SLC41A3: variants seen among roughly 807,000 people sequenced by gnomAD.
SLC41A3 encodes solute carrier family 41 member 3.
Under a neutral mutation model 45.4 loss-of-function variants are expected in SLC41A3, and 44 were observed. The observed-to-expected ratio is 0.97, with a 90% CI of 0.76 to 1.25. SLC41A3 has a LOEUF of 1.25. SLC41A3 is among the 50% of genes most tolerant of loss of function. SLC41A3 has a pLI of 0.00. For synonymous variants in SLC41A3, 256 were observed against 252.4 expected (o/e 1.01, Z -0.13); for missense variants, 550 against 600.6 (o/e 0.92, Z 0.88).
chr3:126,090,351 G>C (rs1283458860), intron 1 of SLC41A3, among the ~76,000 whole-genome samples: 1 of 152,158 alleles, frequency 6.6e-6, no homozygotes, highest in Admixed American at 6.5e-5. Context: ...ACTTTACACA[G>C]AAATTGGTCT....
chr3:126,064,617 C>T (rs1944256106), intron 2 of SLC41A3, among the ~76,000 whole-genome samples: 2 of 152,164 alleles, frequency 1.3e-5, no homozygotes, highest in South Asian at 2.1e-4. Flanking sequence ...AGGCTGCTCT[C>T]ACCTCCTCCC....
At chr3:126,047,177 A>C (rs1455349428) in intron 3 of SLC41A3, among the ~76,000 whole-genome samples, 1 of 152,156 alleles carries the variant, frequency 6.6e-6, no homozygotes, top group East Asian at 1.9e-4. Context: ...AACCTGGGCA[A>C]CATGGTGAAA....
rs372353900 is a variant in SLC41A3, at chr3:126,075,324, G to T, written c.-27-7078C>A. Among the ~76,000 whole-genome samples the T allele has an allele frequency of 5.8e-4, 88 of 152,208 alleles. No homozygotes were observed. In the East Asian group the frequency reaches 0.01, roughly 17 times the overall value. ...AATTGCATTTGCAATAGAAATGCAAGAAATGAAGAAAACTTCAGAACAAAT... is the reference window on the plus strand; with the variant it reads ...AATTGCATTTGCAATAGAAATGCAATAAATGAAGAAAACTTCAGAACAAAT... On this transcript the variant is annotated intron_variant, in intron 1 of 10. Transcript: ENST00000360370.
At chr3:126,088,895 A>G (rs555058714), upstream of SLC41A3, among the ~76,000 whole-genome samples, 21 of 152,220 alleles carry the variant, frequency 1.4e-4, no homozygotes, top group Non-Finnish European at 3.1e-4. Context: ...CTATTGAACA[A>G]TCACTAATGA....
intron 1 of SLC41A3, among the ~76,000 whole-genome samples, chr3:126,091,016 T>C (rs1337778853): frequency 6.6e-6 from 1 of 152,140 alleles, no homozygotes; most frequent in Non-Finnish European, 1.5e-5. Context: ...TTCTAGGATG[T>C]GTGCCCAGAT....
intron 3 of SLC41A3, among the ~76,000 whole-genome samples, chr3:126,035,744 T>C (rs1414378321): frequency 6.6e-6 from 1 of 152,030 alleles, no homozygotes; most frequent in Non-Finnish European, 1.5e-5. Context: ...GCAGGGCTCT[T>C]CTCTAGAACA....
chr3:126,009,582 A>G (rs1939485167), intron 9 of SLC41A3, among the ~76,000 whole-genome samples: 1 of 152,230 alleles, frequency 6.6e-6, no homozygotes, highest in Admixed American at 6.5e-5. Context: ...TAGACTTCTA[A>G]TGAAAAGTAG....
intron 3 of SLC41A3, among the ~76,000 whole-genome samples, chr3:126,044,692 G>A (rs6782371): frequency 0.17 from 25,909 of 151,336 alleles, 2,353 homozygotes; most frequent in Middle Eastern, 0.27. Context: ...TCAGGAGATC[G>A]AGACCATCCT....
chr3:126,056,964 C>A, intron 2 of SLC41A3: 1 of 1,050,026 alleles, frequency 9.5e-7, no homozygotes, highest in Non-Finnish European at 1.2e-6. Context: ...CTGGACAGAG[C>A]TGAAGCCCAC....
At chr3:126,086,808 T>C (rs190056132), upstream of SLC41A3, among the ~76,000 whole-genome samples, 265 of 152,236 alleles carry the variant, frequency 1.7e-3, 4 homozygotes, top group Non-Finnish European at 9.0e-4. Context: ...TGTACTTCTA[T>C]TGCCATGCCT....
intron 6 of SLC41A3, among the ~76,000 whole-genome samples, chr3:126,018,587 G>A (rs1327534616): frequency 1.3e-5 from 2 of 152,202 alleles, no homozygotes; most frequent in African/African-American, 4.8e-5. Context: ...AACAGGTAAA[G>A]ATGGGATGCT....
chr3:126,090,598 T>A (rs991880264), intron 1 of SLC41A3, among the ~76,000 whole-genome samples: 2 of 152,218 alleles, frequency 1.3e-5, no homozygotes, highest in African/African-American at 4.8e-5. Context: ...ACACACAAAT[T>A]ACTCTTATAA....
intron 3 of SLC41A3, among the ~76,000 whole-genome samples, chr3:126,044,895 C>CAAAAAAAAAAAAAAAAAAAAAAAAAA (rs57581225): frequency 3.6e-5 from 3 of 82,720 alleles, no homozygotes; most frequent in African/African-American, 1.2e-4. Context: ...GACTCCATCT[C>CAAAAAAAAAAAAAAAAAAAAAAAAAA]AAAAAAAAAA....
chr3:126,055,436 C>T (rs146404049), intron 2 of SLC41A3, among the ~76,000 whole-genome samples: 7 of 152,226 alleles, frequency 4.6e-5, no homozygotes, highest in Admixed American at 1.3e-4. Context: ...ATCATTTGAA[C>T]CCAGGAGGCG....
At chr3:126,043,382 A>G (rs1254098490) in intron 3 of SLC41A3, among the ~76,000 whole-genome samples, 2 of 152,174 alleles carry the variant, frequency 1.3e-5, no homozygotes, top group Non-Finnish European at 2.9e-5. Context: ...TCTGCCCTAC[A>G]AGAAATGGTA....
At chr3:126,038,242 A>G (rs1942346224) in intron 3 of SLC41A3, among the ~76,000 whole-genome samples, 1 of 152,196 alleles carries the variant, frequency 6.6e-6, no homozygotes, top group Admixed American at 6.5e-5. Flanking sequence ...AGGCCACACA[A>G]AGCCCCCACT....
intron 3 of SLC41A3, among the ~76,000 whole-genome samples, chr3:126,048,809 T>TACAG (rs1349807343): frequency 2.0e-5 from 3 of 152,210 alleles, no homozygotes; most frequent in Non-Finnish European, 4.4e-5. Flanking sequence ...AGATGTTCTG[T>TACAG]GTCTCAACTA....
At chr3:126,100,600 G>A (rs1346373175) in intron 1 of SLC41A3, among the ~76,000 whole-genome samples, 3 of 152,162 alleles carry the variant, frequency 2.0e-5, no homozygotes, top group Non-Finnish European at 2.9e-5. Flanking sequence ...CACATAAGAC[G>A]GCAGTCATTA....
At chr3:126,028,822 A>G (rs779776236) in intron 4 of SLC41A3, among the ~76,000 whole-genome samples, 2 of 152,218 alleles carry the variant, frequency 1.3e-5, no homozygotes, top group African/African-American at 2.4e-5. Flanking sequence ...CCTTGCACCA[A>G]TGTGCCCTAG....
Sources: gnomAD v4.1 joint callset for allele counts (sites outside exome capture counted in the v4.1 genomes callset) on GRCh38, gnomAD v4.1.1 for gene constraint, MANE v1.5 for transcripts, NCBI Gene and HGNC (gene_info 2026-07-23, HGNC 2026-07-21) for gene names.